GAB1: variants seen among roughly 807,000 people sequenced by gnomAD.
GAB1 encodes the protein GRB2-associated-binding protein 1.
Under a neutral mutation model 66.5 loss-of-function variants are expected in GAB1, and 19 were observed. That is an observed-to-expected ratio of 0.29 (90% CI 0.20 to 0.42). The LOEUF (loss-of-function observed/expected upper bound fraction) is 0.42, where lower values mean the gene tolerates loss of function less well. GAB1 is among the 10% of genes least tolerant of loss of function. The pLI is 1.00. For synonymous variants in GAB1, 294 were observed against 301.4 expected, an observed-to-expected ratio of 0.98 and a Z score of 0.25; for missense variants, 732 against 858.5, an observed-to-expected ratio of 0.85 and a Z score of 1.84.
intron 1 of GAB1, among the ~76,000 whole-genome samples, chr4:143,410,924 T>A (rs1732350501): frequency 6.6e-6 from 1 of 152,148 alleles, no homozygotes; most frequent in Non-Finnish European, 1.5e-5. Flanking sequence ...CTCAGTACAT[T>A]CAAATGCACA....
rs1304611389 is a variant in GAB1, at chr4:143,438,515, C to T, written c.1110C>T (p.Asp370=). ...TCCCACGCACCGCCTCAGACACTGACAGTAGTTACTGTATCCCTACAGCAG... is the reference window on the plus strand; with the variant it reads ...TCCCACGCACCGCCTCAGACACTGATAGTAGTTACTGTATCCCTACAGCAG... ...CSIPRTASDT[D]SSYCIPTAGM... is the part of the protein sequence containing the mutation. Residue 370 remains aspartate, a synonymous_variant, in exon 4 of 10, where the codon GAC becomes GAT. Transcript: ENST00000262994. The T allele has an allele frequency of 8.7e-6, 14 of 1,614,066 alleles. No individual in the cohort carries two copies. Among genetic ancestry groups the T allele is most frequent in the African/African-American group, 8.0e-5 (6 of 75,034 alleles).
chr4:143,394,558 A>G (rs1731347587), intron 1 of GAB1, among the ~76,000 whole-genome samples: 1 of 152,202 alleles, frequency 6.6e-6, no homozygotes, highest in East Asian at 1.9e-4. Context: ...ATGTATACAA[A>G]AGCATCATAT....
At chr4:143,364,252 C>T (rs1269475130) in intron 1 of GAB1, among the ~76,000 whole-genome samples, 1 of 151,694 alleles carries the variant, frequency 6.6e-6, no homozygotes, top group African/African-American at 2.4e-5. Flanking sequence ...TGTATCTGCC[C>T]ACATTGATGT....
intron 6 of GAB1, among the ~76,000 whole-genome samples, chr4:143,440,855 A>C (rs1359394412): frequency 2.6e-5 from 4 of 152,264 alleles, no homozygotes; most frequent in Non-Finnish European, 4.4e-5. Context: ...ATTATTAAGA[A>C]AACATTGCAG....
At chr4:143,430,749 T>G (rs2149742328) in intron 2 of GAB1, among the ~76,000 whole-genome samples, 1 of 152,350 alleles carries the variant, frequency 6.6e-6, no homozygotes, top group South Asian at 2.1e-4. Flanking sequence ...ATTGTGCTTT[T>G]ATTTCAGTGC....
rs563402990 is a variant in GAB1 at position 143,431,089 on chromosome 4, A to G, written c.368-2402A>G. On this transcript the variant is annotated intron_variant, in intron 2 of 9. Transcript: ENST00000262994. ...ATTAATTAGAGCTCTTTTTATAGAC[A>G]TCACCCAGACAACACATATATAGCT... Among the ~76,000 whole-genome samples, 34 of 152,288 alleles carry G rather than the reference A, an allele frequency of 2.2e-4. No individual in the cohort carries two copies. In the South Asian group the frequency reaches 6.2e-3, roughly 28 times the overall value.
At chr4:143,454,738 T>C in intron 6 of GAB1, among the ~76,000 whole-genome samples, 1 of 152,168 alleles carries the variant, frequency 6.6e-6, no homozygotes, top group Admixed American at 6.5e-5. Flanking sequence ...CTAATTTAGT[T>C]GGCTACAACA....
At chr4:143,429,932 A>G (rs1161992406) in intron 2 of GAB1, among the ~76,000 whole-genome samples, 3 of 152,262 alleles carry the variant, frequency 2.0e-5, no homozygotes, top group African/African-American at 7.2e-5. Flanking sequence ...ATTAAAGGCC[A>G]TGAATAGCTC....
chr4:143,387,966 G>T (rs527828321), intron 1 of GAB1, among the ~76,000 whole-genome samples: 6 of 152,240 alleles, frequency 3.9e-5, no homozygotes, highest in African/African-American at 1.4e-4. Flanking sequence ...TGTCCAAAGG[G>T]TTTGGGGATT....
intron 2 of GAB1, chr4:143,424,960 AAG>A: frequency 1.8e-6 from 1 of 570,700 alleles, no homozygotes; most frequent in Admixed American, 3.0e-5. Context: ...ACTTTAAAAA[AAG>A]AAAAAAAAAG....
At chr4:143,416,504 C>T (rs1045482377) in intron 2 of GAB1, among the ~76,000 whole-genome samples, 35 of 152,208 alleles carry the variant, frequency 2.3e-4, no homozygotes, top group African/African-American at 6.8e-4. Context: ...GGCACAGTGG[C>T]TCACACCTAT....
At chr4:143,454,139 G>C (rs1257943257) in intron 6 of GAB1, among the ~76,000 whole-genome samples, 1 of 152,200 alleles carries the variant, frequency 6.6e-6, no homozygotes, top group Non-Finnish European at 1.5e-5. Context: ...AGCCAGAGCA[G>C]AGCACAATTC....
chr4:143,349,159 T>TC (rs1196991517), intron 1 of GAB1: 29 of 436,568 alleles, frequency 6.6e-5, no homozygotes, highest in Non-Finnish European at 9.6e-5. Context: ...CCTTCATAGG[T>TC]CCCCCCCTTC....
chr4:143,442,399 T>A (rs1442304173), intron 6 of GAB1, among the ~76,000 whole-genome samples: 3 of 152,168 alleles, frequency 2.0e-5, no homozygotes, highest in Non-Finnish European at 4.4e-5. Flanking sequence ...TGCTGCTCTT[T>A]TCTCCCCTTG....
intron 1 of GAB1, among the ~76,000 whole-genome samples, chr4:143,367,059 T>C (rs979796729): frequency 1.3e-5 from 2 of 152,220 alleles, no homozygotes; most frequent in Non-Finnish European, 2.9e-5. Flanking sequence ...TGCTTTTTGT[T>C]ACTTGTATAA....
At chr4:143,459,719 T>A (rs538571576) in intron 7 of GAB1, among the ~76,000 whole-genome samples, 1 of 152,284 alleles carries the variant, frequency 6.6e-6, no homozygotes, top group South Asian at 2.1e-4. Context: ...AGTGATGAGA[T>A]CATTGTGACA....
intron 1 of GAB1, among the ~76,000 whole-genome samples, chr4:143,410,908 C>G (rs1173391941): frequency 1.3e-5 from 2 of 152,174 alleles, no homozygotes; most frequent in East Asian, 3.9e-4. Context: ...TAAAATGGCT[C>G]CAGCCCTCAG....
intron 1 of GAB1, among the ~76,000 whole-genome samples, chr4:143,409,510 A>C (rs1265239804): frequency 2.9e-5 from 4 of 140,142 alleles, no homozygotes; most frequent in African/African-American, 1.1e-4. Context: ...TTGCAGATAG[A>C]AAAAAAAAAA....
At chr4:143,433,953 C>T in intron 3 of GAB1, 1 of 630,900 alleles carries the variant, frequency 1.6e-6, no homozygotes, top group Non-Finnish European at 2.6e-6. Context: ...GAGCAGTTTT[C>T]CCTACAAGGC....
Sources: allele counts gnomAD v4.1 joint callset (sites outside exome capture counted in the v4.1 genomes callset), GRCh38; gene constraint gnomAD v4.1.1; transcripts MANE v1.5; gene names NCBI Gene and HGNC (gene_info 2026-07-23, HGNC 2026-07-21).